SIPA1L3: variants seen among roughly 807,000 people sequenced by gnomAD.
SIPA1L3 encodes signal-induced proliferation-associated 1-like protein 3.
A neutral mutation model predicts 150.1 loss-of-function variants in SIPA1L3; 59 were observed. The observed-to-expected ratio is 0.39, with a 90% confidence interval of 0.32 to 0.49. SIPA1L3 has a LOEUF of 0.49. Ranked by LOEUF, SIPA1L3 falls within the 20% of genes least tolerant of loss-of-function variation. SIPA1L3 has a pLI of 0.86. For synonymous variants in SIPA1L3, 1,070 were observed against 1,077.6 expected (o/e 0.99, Z 0.14); for missense variants, 2,211 against 2,489.5 (o/e 0.89, Z 2.38).
At position 38,046,720 on chromosome 19, in the gene SIPA1L3, T is replaced by C. The variant is rs1213483845; in HGVS notation, c.-311+17564T>C. 6.6e-6 allele frequency among the ~76,000 whole-genome samples: 1 copy of C among 152,176 alleles called. No individual in the cohort carries two copies. Among genetic ancestry groups the C allele is most frequent in the Non-Finnish European group, 1.5e-5 (1 of 68,022 alleles). On this transcript the variant is annotated intron_variant, in intron 2 of 21. Transcript: ENST00000222345. This position sits in a 1 kb window ranked among gnomAD's most constrained non-coding sequence, Gnocchi z 5.6. ...GGGCCCAGGTCCCCCGAGCAGCTCCTCTGACCCCGCAACCCGGCATCTCCT... is the reference window on the plus strand; with the variant it reads ...GGGCCCAGGTCCCCCGAGCAGCTCCCCTGACCCCGCAACCCGGCATCTCCT...
At chr19:38,025,233 C>T (rs1167635136) in intron 1 of SIPA1L3, among the ~76,000 whole-genome samples, 1 of 152,206 alleles carries the variant, frequency 6.6e-6, no homozygotes, top group Non-Finnish European at 1.5e-5. Context: ...TTCCCCCTTA[C>T]ATTATCTCAT....
intron 1 of SIPA1L3, among the ~76,000 whole-genome samples, chr19:37,918,838 T>A (rs1031917617): frequency 9.9e-5 from 15 of 151,524 alleles, no homozygotes; most frequent in Non-Finnish European, 1.9e-4. Flanking sequence ...ACCACTGCAC[T>A]CCAGCCTGGG....
At chr19:37,981,348 C>G (rs991278350) in intron 1 of SIPA1L3, among the ~76,000 whole-genome samples, 31 of 150,804 alleles carry the variant, frequency 2.1e-4, no homozygotes, top group African/African-American at 7.1e-4. Context: ...CACTTGAACC[C>G]AGGAGGTCAA....
chr19:38,124,872 C>T (rs981382399), intron 9 of SIPA1L3, among the ~76,000 whole-genome samples: 15 of 152,246 alleles, frequency 9.9e-5, no homozygotes, highest in Admixed American at 7.8e-4. Context: ...TGTGGCGGCG[C>T]GCGCCTGCAA....
chr19:37,950,910 T>C (rs16976795), intron 1 of SIPA1L3, among the ~76,000 whole-genome samples: 2 of 152,250 alleles, frequency 1.3e-5, no homozygotes, highest in Non-Finnish European at 2.9e-5. Flanking sequence ...CTGGGGAATC[T>C]TGGTAACAGT....
rs1971571976 is a variant in SIPA1L3 at position 38,141,179 on chromosome 19, C to T, written c.3144-5C>T. On this transcript the variant is annotated splice_polypyrimidine_tract_variant and splice_region_variant and intron_variant, in intron 10 of 21. Coordinates refer to ENST00000222345, the MANE Select transcript of SIPA1L3 (RefSeq NM_015073.3). Reference sequence around the variant, plus strand: ...CTTTCTGAGTAATGCAGTTTTTCTCCCCAGGGGTTGGCCGGAGACCTACGA... The same window carrying T: ...CTTTCTGAGTAATGCAGTTTTTCTCTCCAGGGGTTGGCCGGAGACCTACGA... 2.5e-6 allele frequency: 4 copies of T among 1,576,422 alleles called. No homozygotes were observed. Among genetic ancestry groups the T allele is most frequent in the Non-Finnish European group, 3.4e-6 (4 of 1,159,800 alleles).
At chr19:38,186,453 C>T (rs561395540) in intron 16 of SIPA1L3, among the ~76,000 whole-genome samples, 105 of 151,896 alleles carry the variant, frequency 6.9e-4, no homozygotes, top group Non-Finnish European at 7.9e-4. Flanking sequence ...GCTGGGACTA[C>T]ATGCGCATAC....
chr19:38,078,862 C>A (rs1288082215), intron 2 of SIPA1L3, among the ~76,000 whole-genome samples: 3 of 152,150 alleles, frequency 2.0e-5, no homozygotes, highest in African/African-American at 7.2e-5. Flanking sequence ...CCCTTCCTCT[C>A]CAGCAGGATT....
chr19:38,163,911 A>G (rs4802256), intron 14 of SIPA1L3, among the ~76,000 whole-genome samples: 27,084 of 152,054 alleles, frequency 0.18, 2,865 homozygotes, highest in African/African-American at 0.29. Flanking sequence ...TGTGGGGAAT[A>G]AACAGGGGGA....
At chr19:38,035,006 C>T (rs977298013) in intron 2 of SIPA1L3, among the ~76,000 whole-genome samples, 2 of 152,176 alleles carry the variant, frequency 1.3e-5, no homozygotes, top group African/African-American at 4.8e-5. Context: ...GTGAGGGAAG[C>T]AGACCTTCAG....
At chr19:37,946,689 T>G (rs962250598) in intron 1 of SIPA1L3, among the ~76,000 whole-genome samples, 7 of 148,194 alleles carry the variant, frequency 4.7e-5, no homozygotes, top group East Asian at 1.9e-4. Flanking sequence ...TATCTTTTAG[T>G]TTTTTTTTGT....
chr19:37,963,068 A>G (rs909426220), intron 1 of SIPA1L3, among the ~76,000 whole-genome samples: 1 of 152,098 alleles, frequency 6.6e-6, no homozygotes, highest in Non-Finnish European at 1.5e-5. Flanking sequence ...GTGCTGAAAC[A>G]CCTTGAGCCA....
intron 1 of SIPA1L3, among the ~76,000 whole-genome samples, chr19:37,936,027 C>T (rs764317302): frequency 2.0e-5 from 3 of 152,114 alleles, no homozygotes; most frequent in South Asian, 2.1e-4. Context: ...CATCCTTAGC[C>T]TCATATTCAT....
intron 2 of SIPA1L3, among the ~76,000 whole-genome samples, chr19:38,066,182 T>A (rs1033910070): frequency 6.6e-6 from 1 of 151,066 alleles, no homozygotes; most frequent in Non-Finnish European, 1.5e-5. Flanking sequence ...CTGGCAAATT[T>A]TAAAAAAAAA....
chr19:38,123,527 A>C (rs1971079020), intron 9 of SIPA1L3, among the ~76,000 whole-genome samples: 1 of 23,666 alleles, frequency 4.2e-5, no homozygotes, highest in African/African-American at 6.2e-4. Flanking sequence ...ACCGCCCTTA[A>C]TCCATTAACC....
Position 38,172,890 on chromosome 19 carries a change from A to C in SIPA1L3, c.4208+7984A>C, listed in dbSNP as rs543962026. 2.0e-5 allele frequency among the ~76,000 whole-genome samples: 3 copies of C among 152,246 alleles called. No individual in the cohort carries two copies. The South Asian group carries it at 6.2e-4, about 32-fold the overall frequency. ...TTTGGGAGGCTAAGGCAGGTGGATC[A>C]CTTGAGCCCAGGAGTTCAAGACCAG... On this transcript the variant is annotated intron_variant, in intron 15 of 21. Transcript: ENST00000222345.
intron 15 of SIPA1L3, among the ~76,000 whole-genome samples, chr19:38,165,962 C>T (rs1203349399): frequency 1.3e-5 from 2 of 152,056 alleles, no homozygotes; most frequent in African/African-American, 4.8e-5. Context: ...AGGGTTTCAC[C>T]ATGTCGGCCA....
At chr19:38,002,253 G>A (rs1477093997) in intron 1 of SIPA1L3, among the ~76,000 whole-genome samples, 1 of 152,114 alleles carries the variant, frequency 6.6e-6, no homozygotes. Context: ...GTCTCTATGA[G>A]ATTGACGAAT....
At chr19:38,009,745 C>T (rs1467868054) in intron 1 of SIPA1L3, among the ~76,000 whole-genome samples, 1 of 152,130 alleles carries the variant, frequency 6.6e-6, no homozygotes, top group Admixed American at 6.5e-5. Context: ...TAGCTGACCA[C>T]CAAGATGGCG....
Sources: allele counts gnomAD v4.1 joint callset (sites outside exome capture counted in the v4.1 genomes callset), GRCh38; gene constraint gnomAD v4.1.1; non-coding constraint Gnocchi (gnomAD v3.1); transcripts MANE v1.5; gene names NCBI Gene and HGNC (gene_info 2026-07-23, HGNC 2026-07-21).